Variants in EPB41 observed in about 807,000 individuals in gnomAD.
The protein encoded by EPB41 is protein 4.1.
Under a neutral mutation model 108.0 loss-of-function variants are expected in EPB41, and 65 were observed. The ratio of observed to expected loss-of-function variants is 0.60; its 90% CI spans 0.49 to 0.74. The LOEUF is 0.74. EPB41 is among the 30% of genes least tolerant of loss of function. The pLI is 0.00. For synonymous variants in EPB41, 336 were observed against 358.9 expected (o/e 0.94, Z 0.72); for missense variants, 875 against 1,037.0 (o/e 0.84, Z 2.15).
At chr1:29,043,478 G>A (rs913882198) in intron 11 of EPB41, among the ~76,000 whole-genome samples, 6 of 152,238 alleles carry the variant, frequency 3.9e-5, no homozygotes, top group African/African-American at 1.2e-4. Context: ...GCCAATAGCT[G>A]CTAAGCTAAG....
intron 16 of EPB41, chr1:29,070,306 C>T: frequency 8.5e-7 from 1 of 1,170,642 alleles, no homozygotes; most frequent in Non-Finnish European, 1.1e-6. Context: ...TGAGCATTTT[C>T]CATCTGTCAT....
intron 1 of EPB41, among the ~76,000 whole-genome samples, chr1:28,959,613 G>A (rs1302474052): frequency 1.3e-5 from 2 of 152,068 alleles, no homozygotes; most frequent in Non-Finnish European, 2.9e-5. Context: ...ATAGCAGGAG[G>A]GACTGGAAAT....
At chr1:29,059,379 GT>G (rs546912513) in intron 14 of EPB41, among the ~76,000 whole-genome samples, 2 of 152,146 alleles carry the variant, frequency 1.3e-5, no homozygotes, top group Non-Finnish European at 2.9e-5. Flanking sequence ...ATCAGTGAGA[GT>G]CAAACCTATC....
chr1:29,058,434 C>T (rs995028036), intron 12 of EPB41, among the ~76,000 whole-genome samples, 155 bp from the exon 13 acceptor site: 2 of 152,120 alleles, frequency 1.3e-5, no homozygotes, highest in South Asian at 2.1e-4. Context: ...GAGTAATATC[C>T]TTCCCTGTAA....
chr1:28,990,296 T>TTTCCTTCCTTCCTTCCTTCCTTCC (rs201526830), intron 2 of EPB41, among the ~76,000 whole-genome samples: 4,914 of 43,948 alleles, frequency 0.11, 796 homozygotes, highest in Middle Eastern at 0.16. Context: ...GTTTTTCAAA[T>TTTCCTTCCTTCCTTCCTTCCTTCC]TTCCTTCCTT....
intron 4 of EPB41, among the ~76,000 whole-genome samples, chr1:29,002,592 C>T (rs1220098803): frequency 6.6e-6 from 1 of 152,046 alleles, no homozygotes; most frequent in Non-Finnish European, 1.5e-5. Context: ...TCTACCTGTT[C>T]TTAGGTAGGA....
chr1:29,106,591 T>TTTTTTTTTG (rs869202248), intron 17 of EPB41, among the ~76,000 whole-genome samples: 2 of 140,556 alleles, frequency 1.4e-5, no homozygotes, highest in East Asian at 2.1e-4. Flanking sequence ...TTTTTTTTTT[T>TTTTTTTTTG]GAGATGGAGT....
intron 1 of EPB41, among the ~76,000 whole-genome samples, chr1:28,969,062 T>G (rs1214610627): frequency 6.6e-6 from 1 of 151,612 alleles, no homozygotes; most frequent in East Asian, 1.9e-4. Flanking sequence ...TATAGAATCT[T>G]TGGACATGCA....
intron 1 of EPB41, among the ~76,000 whole-genome samples, chr1:28,943,773 A>C (rs2094390415): frequency 6.6e-6 from 1 of 152,214 alleles, no homozygotes; most frequent in South Asian, 2.1e-4. Context: ...TGGGAATGCA[A>C]ATTAGTATAA....
At chr1:28,921,046 G>A (rs1014233337) in intron 1 of EPB41, among the ~76,000 whole-genome samples, 1 of 152,138 alleles carries the variant, frequency 6.6e-6, no homozygotes, top group African/African-American at 2.4e-5. Flanking sequence ...TGGGACTACA[G>A]GTGTGTGCCA....
intron 1 of EPB41, among the ~76,000 whole-genome samples, chr1:28,948,714 G>C (rs1406013013): frequency 1.3e-5 from 2 of 152,046 alleles, no homozygotes; most frequent in African/African-American, 4.8e-5. Flanking sequence ...ACTTTGGGAG[G>C]CCAAGGCGGG....
chr1:29,086,826 A>G (rs1345562234), intron 16 of EPB41, among the ~76,000 whole-genome samples: 1 of 152,136 alleles, frequency 6.6e-6, no homozygotes, highest in Non-Finnish European at 1.5e-5. Flanking sequence ...TAAAATTACT[A>G]CACAGGTACT....
At position 28,997,717 on chromosome 1, in the gene EPB41, TTAAATA is replaced by T. The variant is rs1247222559; in HGVS notation, c.786+402_786+407del. On this transcript the variant is annotated intron_variant, in intron 4 of 20. Transcript: ENST00000343067. ...TTAATATTATAATGACATATCATAA[TTAAATA>T]TAATTATGATATATAATTATAATTT... Among the ~76,000 whole-genome samples the T allele has an allele frequency of 3.3e-5, 5 of 151,990 alleles. No individual in the cohort carries two copies. In the East Asian group the frequency reaches 9.7e-4, roughly 29 times the overall value.
chr1:28,972,194 T>G (rs532761891), intron 1 of EPB41, among the ~76,000 whole-genome samples: 1 of 152,336 alleles, frequency 6.6e-6, no homozygotes, highest in African/African-American at 2.4e-5. Context: ...TCCCAAAGTG[T>G]GCTAGGATTA....
chr1:29,020,038 AT>A (rs1405212036), intron 7 of EPB41, among the ~76,000 whole-genome samples: 1 of 152,078 alleles, frequency 6.6e-6, no homozygotes, highest in Non-Finnish European at 1.5e-5. Context: ...AGCATGTTAC[AT>A]TGTCTTTGAA....
intron 1 of EPB41, among the ~76,000 whole-genome samples, chr1:28,986,386 C>T (rs1330879944): frequency 6.6e-6 from 1 of 152,110 alleles, no homozygotes; most frequent in Non-Finnish European, 1.5e-5. Context: ...TGCTCGTTGG[C>T]TGTTATTGTG....
chr1:28,989,184 T>C (rs2095946501), intron 2 of EPB41, among the ~76,000 whole-genome samples: 1 of 152,228 alleles, frequency 6.6e-6, no homozygotes, highest in Non-Finnish European at 1.5e-5. Flanking sequence ...AAGATACAGA[T>C]GAGGAAGTCT....
chr1:28,942,139 T>G (rs1335131945), intron 1 of EPB41, among the ~76,000 whole-genome samples: 1 of 152,194 alleles, frequency 6.6e-6, no homozygotes, highest in African/African-American at 2.4e-5. Flanking sequence ...CACATAGTCA[T>G]CACAGCACTT....
intron 1 of EPB41, among the ~76,000 whole-genome samples, chr1:28,939,486 C>T (rs2094185571): frequency 6.6e-6 from 1 of 151,926 alleles, no homozygotes; most frequent in African/African-American, 2.4e-5. Context: ...CTCAGCTGCC[C>T]AGGCTGGAGT....
Sources: allele counts gnomAD v4.1 joint callset (sites outside exome capture counted in the v4.1 genomes callset), GRCh38; gene constraint gnomAD v4.1.1; transcripts MANE v1.5; gene names NCBI Gene and HGNC (gene_info 2026-07-23, HGNC 2026-07-21).